RBBP7: variants seen among roughly 807,000 people sequenced by gnomAD.
RBBP7 encodes the protein histone-binding protein RBBP7.
RBBP7 carries 5 observed loss-of-function variants against 35.2 expected under a neutral mutation model. The ratio of observed to expected loss-of-function variants is 0.14; its 90% CI spans 0.07 to 0.30. The LOEUF (loss-of-function observed/expected upper bound fraction) is 0.30. RBBP7 is among the 10% of genes least tolerant of loss of function. RBBP7 has a pLI of 1.00. For missense variants in RBBP7, 155 were observed against 327.5 expected, an observed-to-expected ratio of 0.47 and a Z score of 4.07; for synonymous variants, 140 against 118.7, an observed-to-expected ratio of 1.18 and a Z score of -1.17.
chrX:16,859,431 G>A (rs1241575279), intron 3 of RBBP7, among the ~76,000 whole-genome samples: 6 of 111,737 alleles, frequency 5.4e-5, no homozygotes, highest in Admixed American at 2.9e-4. Flanking sequence ...TAACCTCTCC[G>A]CCCATCTGGT....
intron 4 of RBBP7, 28 bp downstream of exon 4, chrX:16,858,648 G>A (rs775097642): frequency 2.6e-5 from 31 of 1,195,099 alleles, no homozygotes; most frequent in Admixed American, 4.5e-5. Context: ...AACTGCTCAA[G>A]TAATGACCTA....
chrX:16,866,234 C>T (rs1196587103), intron 2 of RBBP7, among the ~76,000 whole-genome samples: 1 of 111,225 alleles, frequency 9.0e-6, no homozygotes, highest in Admixed American at 9.6e-5. Context: ...CTTAGAGATA[C>T]TTAAATAAAA....
chrX:16,868,429 A>G lies in RBBP7; in HGVS notation c.161+647T>C, dbSNP rs142804976. On this transcript the variant is annotated intron_variant, in intron 2 of 11. Transcript: ENST00000380087. ...TGAAAAGTACCTACAGCATAGTACT[A>G]TTATGAGGATTACAACAAACAACAG... 3.1e-3 allele frequency among the ~76,000 whole-genome samples: 350 copies of G among 112,318 alleles called. 3 individuals are homozygous for G. Among genetic ancestry groups the G allele is most frequent in the Non-Finnish European group, 5.4e-3 (288 of 53,276 alleles).
chrX:16,845,047 T>A lies in RBBP7; in HGVS notation c.1266A>T (p.Gly422=), dbSNP rs138778228. The stretch of plus-strand genomic sequence containing the variant: ...TCGTACTTTGGGTTTAAGATCCTTG[T>A]CCCTCCAGTTCGGATGTCGTGACAT... ...ESDVTTSELE[G]QGS The change falls in exon 12 of 12, where the codon GGA becomes GGT. Residue 422 remains glycine, a synonymous_variant. Coordinates refer to ENST00000380087, the MANE Select transcript of RBBP7 (RefSeq NM_002893.4). The A allele has an allele frequency of 3.1e-4, 375 of 1,206,394 alleles. 1 individual carries two copies. In the African/African-American group the frequency reaches 5.6e-3, roughly 18 times the overall value.
chrX:16,869,321 T>C, intron 1 of RBBP7, 101 bp from the exon 2 acceptor site: 1 of 1,076,438 alleles, frequency 9.3e-7, no homozygotes, highest in Non-Finnish European at 1.3e-6. Context: ...TACTCTTTCC[T>C]TTTACCTCTA....
chrX:16,859,133 T>C (rs1421628363), intron 3 of RBBP7, among the ~76,000 whole-genome samples: 1 of 112,911 alleles, frequency 8.9e-6, no homozygotes, highest in Non-Finnish European at 1.9e-5. Flanking sequence ...GTTATGAAGA[T>C]GATATAGTTA....
At chrX:16,848,134 A>C (rs1246833595) in intron 10 of RBBP7, 1 of 112,122 alleles carries the variant, frequency 8.9e-6, no homozygotes, top group African/African-American at 3.2e-5. Flanking sequence ...AGTAGTTGCC[A>C]AGGGCTGGAG....
chrX:16,868,222 A>T (rs1269747803), intron 2 of RBBP7, among the ~76,000 whole-genome samples: 1 of 111,674 alleles, frequency 9.0e-6, no homozygotes. Flanking sequence ...CTAGGATTAC[A>T]GGAGTATAAA....
intron 6 of RBBP7, 151 bp from the exon 7 acceptor site, chrX:16,853,026 C>T (rs1930247014): frequency 3.4e-6 from 3 of 892,142 alleles, no homozygotes; most frequent in African/African-American, 3.9e-5. Context: ...AGACCTCGAC[C>T]ACTAAATGAT....
At chrX:16,869,031 C>G (rs1444347277) in intron 2 of RBBP7, 45 bp downstream of exon 2, 7 of 1,169,911 alleles carry the variant, frequency 6.0e-6, no homozygotes, top group Middle Eastern at 2.4e-4. Flanking sequence ...AAATTCAGAA[C>G]GACAGTTAAA....
chrX:16,852,185 T>C, intron 8 of RBBP7, 63 bp from the exon 9 acceptor site: 1 of 936,966 alleles, frequency 1.1e-6, no homozygotes. Context: ...TTGTGGCTGT[T>C]GTTCTAATCT....
chrX:16,870,064 G>C lies in RBBP7; in HGVS notation c.-11C>G. The C allele has an allele frequency of 9.2e-7, 1 of 1,087,189 alleles. No individual in the cohort carries two copies. The allele number at this position is 1,087,189 out of a possible 1,213,427, so 89.6% of individuals were successfully genotyped here. On this transcript the variant is annotated 5_prime_UTR_variant, in exon 1 of 12. Transcript: ENST00000380087. The stretch of plus-strand genomic sequence containing the variant: ...CTCTTTACTCGCCATCTTGCGTCGG[G>C]TCGTTCGCCCCTCGCCGCCGCCTCG...
rs1227146886 is a variant in RBBP7 at position 16,852,758 on chromosome X, A to G, written c.876T>C (p.Ser292=). Residue 292 remains serine, a synonymous_variant, in exon 7 of 12, where the codon TCT becomes TCC. Transcript: ENST00000380087. Reference sequence around the variant, plus strand: ...GCAAAAACTTCGAAACCTTATCCGCAGAGCCGGTGGCTAGAATAAATTCGC... The same window carrying G: ...GCAAAAACTTCGAAACCTTATCCGCGGAGCCGGTGGCTAGAATAAATTCGC... The part of the protein sequence containing the change: ...PYSEFILATG[S]ADKTVALWDL... 6.6e-6 allele frequency: 8 copies of G among 1,210,982 alleles called. No individual in the cohort carries two copies. In the Admixed American group the frequency reaches 1.7e-4, roughly 26 times the overall value.
intron 2 of RBBP7, among the ~76,000 whole-genome samples, chrX:16,865,879 T>G (rs1275577205): frequency 8.9e-6 from 1 of 112,555 alleles, no homozygotes; most frequent in African/African-American, 3.2e-5. Flanking sequence ...TATGGCACTC[T>G]TGAAAAGAAC....
In RBBP7 at chrX:16,844,978, TAAATC is replaced by T; in HGVS notation, c.*52_*56del. 9.1e-7 allele frequency: 1 copy of T among 1,096,677 alleles called. No homozygotes were observed. Among genetic ancestry groups the T allele is most frequent in the Non-Finnish European group, 1.3e-6 (1 of 794,457 alleles). 90.4% of individuals were successfully genotyped at this position (1,096,677 alleles called of 1,213,427 possible). ...TATACAATGCCTTTTTGGCGCTTGA[TAAATC>T]AAGCATTCATGTAGCATTACATTCA... On this transcript the variant is annotated 3_prime_UTR_variant, in exon 12 of 12. Transcript: ENST00000380087.
Position 16,862,549 on chromosome X carries a change from T to A in RBBP7, c.307+406A>T, listed in dbSNP as rs745936335. Among the ~76,000 whole-genome samples, 39 of 108,882 alleles carry A rather than the reference T, an allele frequency of 3.6e-4. 1 individual carries two copies. In the South Asian group the frequency reaches 8.2e-3, roughly 23 times the overall value. The allele number at this position is 108,882 out of a possible 115,157, so 94.6% of individuals were successfully genotyped here. ...AGATTTTTCTCATTAAAAAAAAAAA[T>A]TTTTTTTTTAAATTTTTGGTAGAAA... On this transcript the variant is annotated intron_variant, in intron 3 of 11. Coordinates refer to ENST00000380087, the MANE Select transcript of RBBP7 (RefSeq NM_002893.4).
At chrX:16,847,802 G>A (rs1158578860) in intron 10 of RBBP7, 2 of 108,619 alleles carry the variant, frequency 1.8e-5, no homozygotes, top group African/African-American at 3.4e-5. Flanking sequence ...GTGGGCTCAC[G>A]TGATCCACCT....
intron 2 of RBBP7, among the ~76,000 whole-genome samples, chrX:16,864,558 GAAAA>G (rs1930560607): frequency 1.0e-5 from 1 of 96,381 alleles, no homozygotes; most frequent in East Asian, 3.1e-4. Flanking sequence ...GAAAAAGAAA[GAAAA>G]CATGGGTCTT....
chrX:16,853,861 A>G lies in RBBP7; in HGVS notation c.598-19T>C. On this transcript the variant is annotated intron_variant, in intron 5 of 11. Coordinates refer to ENST00000380087, the MANE Select transcript of RBBP7 (RefSeq NM_002893.4). ...AAACAGTCTAAGAGAGAAGGAGAGAAAAAAAAAAGAACAAGGGCTATAAGA... is the reference window on the plus strand; with the variant it reads ...AAACAGTCTAAGAGAGAAGGAGAGAGAAAAAAAAGAACAAGGGCTATAAGA... The G allele has an allele frequency of 9.3e-7, 1 of 1,070,200 alleles. No individual in the cohort carries two copies. The highest frequency in any genetic ancestry group is 2.0e-5 in the African/African-American group (1 of 48,894). The allele number at this position is 1,070,200 out of a possible 1,213,427, so 88.2% of individuals were successfully genotyped here.
Sources: gnomAD v4.1 joint callset for allele counts (sites outside exome capture counted in the v4.1 genomes callset) on GRCh38, gnomAD v4.1.1 for gene constraint, MANE v1.5 for transcripts, NCBI Gene and HGNC (gene_info 2026-07-23, HGNC 2026-07-21) for gene names.